The following C1orf167 variants were observed in gnomAD, a reference collection of about 807,000 sequenced individuals.
The protein encoded by C1orf167 is chromosome 1 open reading frame 167.
C1orf167 carries 153 observed loss-of-function variants against 176.5 expected under a neutral mutation model. That is an observed-to-expected ratio of 0.87 (90% CI 0.76 to 0.99). C1orf167 has a LOEUF of 0.99. Among genes scored for constraint, C1orf167 ranks in the 50% least tolerant of loss-of-function variants. C1orf167 has a pLI of 0.00. For synonymous variants in C1orf167, 594 were observed against 752.7 expected, an observed-to-expected ratio of 0.79 and a Z score of 3.45; for missense variants, 1,490 against 1,817.7, an observed-to-expected ratio of 0.82 and a Z score of 3.28.
intron 9 of C1orf167, among the ~76,000 whole-genome samples, 191 bp downstream of exon 9, chr1:11,775,801 T>C (rs991860571): frequency 3.9e-5 from 6 of 152,198 alleles, no homozygotes; most frequent in Non-Finnish European, 8.8e-5. Flanking sequence ...CACATCCCTA[T>C]GTCCCATTAT....
At position 11,784,580 on chromosome 1, in the gene C1orf167, A is replaced by G; in HGVS notation, c.3412A>G (p.Lys1138Glu). The part of the protein sequence containing the change: ...GQVSRAHASW[K>E]PRAWVLEASV... ...GGTCAGCCGAGCCCATGCTTCCTGG[A>G]AGCCGCGAGCCTGGTGAGTGCTGTG... The change falls in exon 15 of 21, where the codon AAG (lysine) becomes GAG (glutamate). Residue 1138 changes from lysine (K) to glutamate (E), a missense_variant. By Grantham distance (56) the Lys-to-Glu change is moderately conservative (BLOSUM62 1). Transcript: ENST00000688073. 8.0e-7 allele frequency: 1 copy of G among 1,256,542 alleles called. No homozygotes were observed. Among genetic ancestry groups the G allele is most frequent in the Non-Finnish European group, 1.0e-6 (1 of 964,564 alleles). The allele number at this position is 1,256,542 out of a possible 1,614,324, so 77.8% of individuals were successfully genotyped here.
Position 11,784,386 on chromosome 1 carries a change from A to T in C1orf167, c.3218A>T (p.Asp1073Val). Reference sequence around the variant, plus strand: ...AGCTGCGGGCAGCAAGGCCAGGAAGATGGGCAGCAGAAGAAGGCCCGGGCC... The same window carrying T: ...AGCTGCGGGCAGCAAGGCCAGGAAGTTGGGCAGCAGAAGAAGGCCCGGGCC... ...WRSCGQQGQE[D>V]GQQKKARAPQ... Residue 1073 changes from aspartate to valine, a missense_variant, in exon 15 of 21, where the codon GAT (aspartate) becomes GTT (valine). Asp to Val is a radical substitution (Grantham distance 152). Coordinates refer to ENST00000688073, the MANE Select transcript of C1orf167 (RefSeq NM_001010881.2). 7.7e-7 allele frequency: 1 copy of T among 1,304,110 alleles called. No individual in the cohort carries two copies. The highest frequency in any genetic ancestry group is 1.0e-6 in the Non-Finnish European group (1 of 988,884). 80.8% of individuals were successfully genotyped at this position (1,304,110 alleles called of 1,614,324 possible). A position where few individuals can be genotyped will look rare whatever the true frequency, so the allele number is the denominator to read the frequency against.
chr1:11,774,868 G>A (rs1643235674), intron 8 of C1orf167, among the ~76,000 whole-genome samples: 1 of 152,222 alleles, frequency 6.6e-6, no homozygotes, highest in Admixed American at 6.5e-5. Context: ...GAGGCCGAAA[G>A]TGGATGCAGG....
In C1orf167 at chr1:11,788,135, C is replaced by T. The variant is rs1027419162; in HGVS notation, c.3849-14C>T. 7.8e-6 allele frequency: 10 copies of T among 1,279,128 alleles called. No homozygotes were observed. In the African/African-American group the frequency reaches 1.5e-4, roughly 20 times the overall value. 79.2% of individuals were successfully genotyped at this position (1,279,128 alleles called of 1,614,324 possible). ...TGCCTGAGCCATGGCTACAGCTGGG[C>T]CCTCTCTGGCCAGTGCTCGTTCCTG... On this transcript the variant is annotated splice_polypyrimidine_tract_variant and intron_variant, in intron 18 of 20. Transcript: ENST00000688073.
intron 10 of C1orf167, 122 bp downstream of exon 10, chr1:11,776,760 C>A: frequency 1.1e-6 from 1 of 930,850 alleles, no homozygotes; most frequent in Non-Finnish European, 1.4e-6. Context: ...AACTGCATCC[C>A]ACTCCTCCCC....
chr1:11,763,717 G>A (rs1022009695), intron 1 of C1orf167, among the ~76,000 whole-genome samples: 4 of 152,150 alleles, frequency 2.6e-5, no homozygotes, highest in Admixed American at 6.5e-5. Flanking sequence ...TCACCCTGCC[G>A]CCGCATGAAG....
intron 6 of C1orf167, among the ~76,000 whole-genome samples, chr1:11,770,356 C>T (rs1234894434): frequency 2.6e-5 from 4 of 151,268 alleles, no homozygotes; most frequent in Admixed American, 2.6e-4. Flanking sequence ...TATTTTACCA[C>T]AATTAAGGAG....
intron 16 of C1orf167, 40 bp from the exon 17 acceptor site, chr1:11,787,348 C>T: frequency 8.2e-7 from 1 of 1,214,450 alleles, no homozygotes; most frequent in South Asian, 1.4e-5. Flanking sequence ...GAAGTCCAAG[C>T]CCATGGGGTT....
intron 9 of C1orf167, 107 bp downstream of exon 9, chr1:11,775,717 G>C: frequency 2.5e-6 from 3 of 1,213,182 alleles, no homozygotes; most frequent in Non-Finnish European, 3.2e-6. Flanking sequence ...TAGAACTGGG[G>C]CTTTCTAGGA....
At chr1:11,785,105 T>C (rs1643788997) in intron 15 of C1orf167, 43 bp from the exon 16 acceptor site, 3 of 1,260,058 alleles carry the variant, frequency 2.4e-6, no homozygotes, top group Non-Finnish European at 3.1e-6. Flanking sequence ...CAGAGAGTCC[T>C]GGCCTTTATG....
At chr1:11,787,566 G>A in intron 17 of C1orf167, 73 bp downstream of exon 17, 1 of 1,078,450 alleles carries the variant, frequency 9.3e-7, no homozygotes, top group East Asian at 6.2e-5. Context: ...GTCCTCAGGG[G>A]CCTGGAAATC....
In C1orf167 at chr1:11,779,822, G is replaced by A. The variant is rs769811760; in HGVS notation, c.2672G>A (p.Arg891His). 1.7e-5 allele frequency: 22 copies of A among 1,301,950 alleles called. No homozygotes were observed. The Admixed American group carries it at 1.8e-4, about 11-fold the overall frequency. 80.6% of individuals were successfully genotyped at this position (1,301,950 alleles called of 1,614,324 possible). A position where few individuals can be genotyped will look rare whatever the true frequency, so the allele number is the denominator to read the frequency against. The change falls in exon 13 of 21, where the codon CGC (arginine) becomes CAC (histidine). Residue 891 changes from arginine (R) to histidine (H), a missense_variant. Coordinates refer to ENST00000688073, the MANE Select transcript of C1orf167 (RefSeq NM_001010881.2). ...CCCAGCATCTTCCTCAGCTGGAGCC[G>A]CTGGGCAACAGCCCAATGGGCCTGG... ...RQRRIFLSWS[R>H]WATAQWAWRE...
At chr1:11,771,070 T>TATATA (rs1491455421) in intron 6 of C1orf167, among the ~76,000 whole-genome samples, 52 of 23,152 alleles carry the variant, frequency 2.2e-3, no homozygotes, top group African/African-American at 6.6e-3. Flanking sequence ...TATATATATA[T>TATATA]TTTTTTTTTT....
In C1orf167 at chr1:11,770,661, C is replaced by T. The variant is rs533506507; in HGVS notation, c.1698-863C>T. 5.3e-5 allele frequency among the ~76,000 whole-genome samples: 8 copies of T among 151,026 alleles called. No homozygotes were observed. The South Asian group carries it at 1.5e-3, about 28-fold the overall frequency. On this transcript the variant is annotated intron_variant, in intron 6 of 20. Coordinates refer to ENST00000688073, the MANE Select transcript of C1orf167 (RefSeq NM_001010881.2). ...ATTTTTAGTAGAGATGGGGTTTCGCCATGTTGGTCAGGCTGGTCTCAAACT... is the reference window on the plus strand; with the variant it reads ...ATTTTTAGTAGAGATGGGGTTTCGCTATGTTGGTCAGGCTGGTCTCAAACT...
chr1:11,770,944 A>T (rs1410526413), intron 6 of C1orf167, among the ~76,000 whole-genome samples: 1 of 148,362 alleles, frequency 6.7e-6, no homozygotes, highest in Non-Finnish European at 1.5e-5. Flanking sequence ...AGCTGGGACT[A>T]CAAGTGTGTG....
rs796264720 is a variant in C1orf167 at position 11,782,308 on chromosome 1, C to T, written c.2980C>T (p.Arg994Trp). ...AGCTCATCAGAGATGCACAGTGACC[C>T]GGCCAGAGCAGCTGCTACTGCAGAG... ...AAAHQRCTVT[R>W]PEQLLLQSYF... The change falls in exon 14 of 21, where the codon CGG becomes TGG. Residue 994 changes from arginine (R) to tryptophan (W), a missense_variant. Arg to Trp is a moderately radical substitution (Grantham distance 101). Transcript: ENST00000688073. 1.5e-5 allele frequency: 19 copies of T among 1,278,282 alleles called. No homozygotes were observed. The East Asian group carries it at 1.9e-4, about 13-fold the overall frequency. 79.2% of individuals were successfully genotyped at this position (1,278,282 alleles called of 1,614,324 possible).
At chr1:11,782,902 G>C (rs1381429332) in intron 14 of C1orf167, among the ~76,000 whole-genome samples, 1 of 130,684 alleles carries the variant, frequency 7.7e-6, no homozygotes, top group African/African-American at 2.9e-5. Context: ...CTGGGCGACA[G>C]TGCGAGACTC....
chr1:11,778,511 C>A, intron 10 of C1orf167, 149 bp from the exon 11 acceptor site: 1 of 608,900 alleles, frequency 1.6e-6, no homozygotes, highest in Non-Finnish European at 2.4e-6. Flanking sequence ...GGGGCAGCAG[C>A]GTGGAACGCT....
intron 13 of C1orf167, among the ~76,000 whole-genome samples, chr1:11,780,896 T>A (rs1248758488): frequency 1.3e-5 from 2 of 151,412 alleles, no homozygotes; most frequent in Non-Finnish European, 2.9e-5. Context: ...TTAGAAGCCC[T>A]GAGGAATGTG....
Sources: allele counts gnomAD v4.1 joint callset (sites outside exome capture counted in the v4.1 genomes callset), GRCh38; gene constraint gnomAD v4.1.1; transcripts MANE v1.5; gene names NCBI Gene and HGNC (gene_info 2026-07-23, HGNC 2026-07-21).